EIF2B3: variants seen among roughly 807,000 people sequenced by gnomAD.
EIF2B3 encodes translation initiation factor eIF2B subunit gamma.
A neutral mutation model predicts 54.1 loss-of-function variants in EIF2B3; 20 were observed. The observed-to-expected ratio is 0.37, with a 90% CI of 0.26 to 0.54. The LOEUF (loss-of-function observed/expected upper bound fraction) is 0.54, where lower values mean the gene tolerates loss of function less well. Among genes scored for constraint, EIF2B3 ranks in the 20% least tolerant of loss-of-function variants. The pLI, the probability that EIF2B3 is intolerant of heterozygous loss-of-function variation, is 0.86. For missense variants in EIF2B3, 448 were observed against 547.8 expected, an observed-to-expected ratio of 0.82 and a Z score of 1.82; for synonymous variants, 153 against 188.1, an observed-to-expected ratio of 0.81 and a Z score of 1.52.
intron 3 of EIF2B3, among the ~76,000 whole-genome samples, chr1:44,960,936 T>G (rs866268479): frequency 3.9e-5 from 6 of 152,282 alleles, no homozygotes; most frequent in Middle Eastern, 6.8e-3. Context: ...AGGAATATAC[T>G]TCTGCAGAAA....
intron 4 of EIF2B3, among the ~76,000 whole-genome samples, chr1:44,937,766 C>A (rs1157493031): frequency 6.6e-6 from 1 of 151,798 alleles, no homozygotes; most frequent in Non-Finnish European, 1.5e-5. Flanking sequence ...CGCCTGTGGT[C>A]CCAGCTACGC....
chr1:44,900,677 C>G (rs1643274269), intron 5 of EIF2B3, among the ~76,000 whole-genome samples: 2 of 152,168 alleles, frequency 1.3e-5, no homozygotes, highest in South Asian at 4.2e-4. Context: ...CCTTTCTTAT[C>G]ACATCTCAGG....
intron 3 of EIF2B3, among the ~76,000 whole-genome samples, chr1:44,976,562 C>T (rs528943564): frequency 1.3e-5 from 2 of 152,284 alleles, no homozygotes; most frequent in African/African-American, 4.8e-5. Flanking sequence ...GTAAACCTTA[C>T]AGCCTATAGA....
intron 6 of EIF2B3, among the ~76,000 whole-genome samples, chr1:44,887,658 G>T (rs1655639246): frequency 6.6e-6 from 1 of 152,164 alleles, no homozygotes; most frequent in Non-Finnish European, 1.5e-5. Context: ...CTTTATGAAG[G>T]CCGGGCGCGA....
At position 44,868,458 on chromosome 1, in the gene EIF2B3, G is replaced by A. The variant is rs183707404; in HGVS notation, c.1202+6220C>T. On this transcript the variant is annotated intron_variant, in intron 10 of 11. Coordinates refer to ENST00000360403, the MANE Select transcript of EIF2B3 (RefSeq NM_020365.5). ...TGTCTTAGGGAGCCATGGTTTCCTC[G>A]CCAAGTCTCTTCATATCAATTAGGA... 7.1e-4 allele frequency among the ~76,000 whole-genome samples: 103 copies of A among 145,852 alleles called. 1 individual carries two copies. The highest frequency in any genetic ancestry group is 2.5e-3 in the African/African-American group (98 of 39,776).
intron 3 of EIF2B3, 54 bp from the exon 4 acceptor site, chr1:44,941,719 A>T (rs1396934857): frequency 3.7e-6 from 6 of 1,604,920 alleles, no homozygotes; most frequent in Non-Finnish European, 5.1e-6. Flanking sequence ...GGATTACACA[A>T]ATCATCACAA....
At chr1:44,922,511 C>T (rs891893891) in intron 5 of EIF2B3, among the ~76,000 whole-genome samples, 11 of 140,028 alleles carry the variant, frequency 7.9e-5, no homozygotes, top group South Asian at 2.3e-4. Context: ...CATTTGAGCC[C>T]GGGAGGTGGA....
At chr1:44,953,317 CCT>C (rs1644188878) in intron 3 of EIF2B3, among the ~76,000 whole-genome samples, 2 of 151,742 alleles carry the variant, frequency 1.3e-5, no homozygotes, top group Non-Finnish European at 2.9e-5. Context: ...CAATTTCTGC[CCT>C]GTTTTTCTTC....
chr1:44,983,919 G>A (rs1272186343), intron 1 of EIF2B3, among the ~76,000 whole-genome samples: 2 of 151,848 alleles, frequency 1.3e-5, no homozygotes, highest in Non-Finnish European at 2.9e-5. Flanking sequence ...TGTTGGCCAG[G>A]CTGGTCTTGA....
chr1:44,947,624 G>A (rs977865938), intron 3 of EIF2B3, among the ~76,000 whole-genome samples: 1 of 152,036 alleles, frequency 6.6e-6, no homozygotes, highest in Admixed American at 6.6e-5. Context: ...TTATGACAAG[G>A]AGAAAGAAAA....
intron 3 of EIF2B3, among the ~76,000 whole-genome samples, chr1:44,948,488 C>A (rs1644126602): frequency 6.6e-6 from 1 of 151,828 alleles, no homozygotes; most frequent in Non-Finnish European, 1.5e-5. Flanking sequence ...TCAAAGACAC[C>A]CTAAAACAGT....
chr1:44,873,756 T>G (rs1216192519), intron 10 of EIF2B3, among the ~76,000 whole-genome samples: 3 of 151,936 alleles, frequency 2.0e-5, no homozygotes, highest in Non-Finnish European at 2.9e-5. Context: ...TTCTCCTGCC[T>G]CAGCCTCCTG....
rs139542455 is a variant in EIF2B3 at position 44,965,021 on chromosome 1, T to C, written c.294+13294A>G. ...CAGCTCTAATATGGGTCAGGATCCATATCCAAGGAGTCAGCCAGCTTTGCT... is the reference window on the plus strand; with the variant it reads ...CAGCTCTAATATGGGTCAGGATCCACATCCAAGGAGTCAGCCAGCTTTGCT... On this transcript the variant is annotated intron_variant, in intron 3 of 11. Transcript: ENST00000360403. 2.1e-4 allele frequency among the ~76,000 whole-genome samples: 32 copies of C among 152,312 alleles called. No individual in the cohort carries two copies. The East Asian group carries it at 6.2e-3, about 29-fold the overall frequency.
At chr1:44,861,910 C>T (rs1654618741) in intron 10 of EIF2B3, among the ~76,000 whole-genome samples, 1 of 152,160 alleles carries the variant, frequency 6.6e-6, no homozygotes, top group African/African-American at 2.4e-5. Context: ...CAAATCACCT[C>T]CAATAGCAAG....
At chr1:44,917,967 G>T (rs1479136098) in intron 5 of EIF2B3, among the ~76,000 whole-genome samples, 1 of 147,956 alleles carries the variant, frequency 6.8e-6, no homozygotes, top group Admixed American at 6.8e-5. Flanking sequence ...TAGAGACGGG[G>T]TTTCACCGTG....
intron 3 of EIF2B3, among the ~76,000 whole-genome samples, chr1:44,955,773 C>G (rs1644217157): frequency 6.6e-6 from 1 of 152,178 alleles, no homozygotes; most frequent in Admixed American, 6.5e-5. Context: ...CTCATCATCA[C>G]TGGTCATTAG....
chr1:44,942,231 A>T (rs1241864454), intron 3 of EIF2B3, among the ~76,000 whole-genome samples: 1 of 150,806 alleles, frequency 6.6e-6, no homozygotes, highest in African/African-American at 2.4e-5. Flanking sequence ...GTTATTATTA[A>T]TATTACTGGC....
rs188855420 is a variant in EIF2B3, at chr1:44,980,979, T to C, written c.148+42A>G. The C allele has an allele frequency of 1.6e-3, 2,622 of 1,613,166 alleles. 8 individuals carry two copies. The highest frequency in any genetic ancestry group is 1.7e-3 in the Non-Finnish European group (1,946 of 1,179,342). On this transcript the variant is annotated intron_variant, in intron 2 of 11. Transcript: ENST00000360403. ...GACAAATCATGGGGATCAAATCTCC[T>C]AAAAGTTTTATGAGTTCACAGCTCA...
chr1:44,984,024 T>C (rs984966017), intron 1 of EIF2B3, among the ~76,000 whole-genome samples: 1 of 151,768 alleles, frequency 6.6e-6, no homozygotes, highest in African/African-American at 2.4e-5. Flanking sequence ...AAAAACATTT[T>C]TAAAAGTAGC....
Sources: allele counts gnomAD v4.1 joint callset (sites outside exome capture counted in the v4.1 genomes callset), GRCh38; gene constraint gnomAD v4.1.1; transcripts MANE v1.5; gene names NCBI Gene and HGNC (gene_info 2026-07-23, HGNC 2026-07-21).